LOC128462377: variants seen among roughly 807,000 people sequenced by gnomAD.
chr16:89,326,613 G>A, the LOC128462377 span, among the ~76,000 whole-genome samples: 911 of 152,102 alleles, frequency 6.0e-3, 9 homozygotes, highest in Non-Finnish European at 0.01. Flanking sequence ...GAGGTGGCAC[G>A]CACCTGTAAT....
the LOC128462377 span, among the ~76,000 whole-genome samples, chr16:89,318,061 A>G: frequency 6.6e-6 from 1 of 152,148 alleles, no homozygotes; most frequent in Non-Finnish European, 1.5e-5. Flanking sequence ...AGGAAACCCA[A>G]CAGGCAGTTG....
At chr16:89,321,507 G>A in the LOC128462377 span, among the ~76,000 whole-genome samples, 2 of 151,970 alleles carry the variant, frequency 1.3e-5, no homozygotes, top group Non-Finnish European at 2.9e-5. Flanking sequence ...TGCGGGGCAG[G>A]GGCTGCCCAG....
At chr16:89,347,487 G>A in the LOC128462377 span, among the ~76,000 whole-genome samples, 5 of 151,734 alleles carry the variant, frequency 3.3e-5, no homozygotes, top group South Asian at 2.1e-4. Flanking sequence ...GGCAGGCGCC[G>A]GTAGTCCCAG....
the LOC128462377 span, among the ~76,000 whole-genome samples, chr16:89,317,996 T>C: frequency 6.6e-6 from 1 of 152,140 alleles, no homozygotes; most frequent in African/African-American, 2.4e-5. Flanking sequence ...CTGCAAGAAC[T>C]TTCCGAAGCA....
chr16:89,404,334 T>C, the LOC128462377 span, among the ~76,000 whole-genome samples: 4 of 152,264 alleles, frequency 2.6e-5, no homozygotes, highest in East Asian at 7.7e-4. Context: ...AAAATGGAAG[T>C]GCAGGAAGGA....
the LOC128462377 span, among the ~76,000 whole-genome samples, chr16:89,332,456 G>T: frequency 7.9e-5 from 12 of 152,258 alleles, no homozygotes; most frequent in South Asian, 1.0e-3. Context: ...ACCTGTACCC[G>T]CAGCTCTGGG....
At chr16:89,413,352 G>A in the LOC128462377 span, among the ~76,000 whole-genome samples, 7 of 152,262 alleles carry the variant, frequency 4.6e-5, no homozygotes, top group East Asian at 1.2e-3. Flanking sequence ...TGGACTGGGC[G>A]CAGTGGCTCA....
chr16:89,362,771 C>T, the LOC128462377 span, among the ~76,000 whole-genome samples: 1 of 152,340 alleles, frequency 6.6e-6, no homozygotes, highest in East Asian at 1.9e-4. Flanking sequence ...CATTAGGTCA[C>T]GGCCTGTTCC....
At chr16:89,319,087 A>T in the LOC128462377 span, among the ~76,000 whole-genome samples, 1 of 152,208 alleles carries the variant, frequency 6.6e-6, no homozygotes, top group East Asian at 1.9e-4. Flanking sequence ...TTAACATTTT[A>T]AAAAATCCAG....
At chr16:89,392,969 T>C in the LOC128462377 span, among the ~76,000 whole-genome samples, 1 of 151,840 alleles carries the variant, frequency 6.6e-6, no homozygotes. Flanking sequence ...CCCTTTCTGT[T>C]TCCCCAAAAA....
At chr16:89,403,487 A>G in the LOC128462377 span, 1 of 152,230 alleles carries the variant, frequency 6.6e-6, no homozygotes, top group Non-Finnish European at 1.5e-5. Context: ...GGGCACCCCC[A>G]GGAAGCCCAC....
chr16:89,353,329 G>T, the LOC128462377 span, among the ~76,000 whole-genome samples: 1 of 151,568 alleles, frequency 6.6e-6, no homozygotes, highest in Admixed American at 6.6e-5. Flanking sequence ...GTGACAGAGT[G>T]AGACTCCAAC....
the LOC128462377 span, among the ~76,000 whole-genome samples, chr16:89,369,273 T>C: frequency 2.6e-5 from 4 of 152,058 alleles, no homozygotes; most frequent in South Asian, 2.1e-4. Context: ...GCCCGAGAAA[T>C]GCCCACACGT....
the LOC128462377 span, chr16:89,323,953 T>C: frequency 1.4e-5 from 3 of 221,112 alleles, no homozygotes; most frequent in Non-Finnish European, 2.7e-5. Flanking sequence ...TGAATGTTTG[T>C]GTCGGCCCCT....
At chr16:89,321,567 T>C in the LOC128462377 span, among the ~76,000 whole-genome samples, 1 of 152,246 alleles carries the variant, frequency 6.6e-6, no homozygotes, top group South Asian at 2.1e-4. Flanking sequence ...CCGTGGACCA[T>C]GGAGACTCAC....
the LOC128462377 span, chr16:89,343,739 A>C: frequency 6.6e-6 from 1 of 152,322 alleles, no homozygotes; most frequent in Admixed American, 6.5e-5. Flanking sequence ...CATGTTTTCA[A>C]GGAAGGGTCT....
chr16:89,402,681 G>A, the LOC128462377 span, among the ~76,000 whole-genome samples: 20 of 150,116 alleles, frequency 1.3e-4, no homozygotes, highest in African/African-American at 4.2e-4. Flanking sequence ...GTGGTTCTGC[G>A]GGAGGAGGTG....
the LOC128462377 span, among the ~76,000 whole-genome samples, chr16:89,417,902 G>A: frequency 1.3e-5 from 2 of 152,284 alleles, no homozygotes; most frequent in South Asian, 4.1e-4. Flanking sequence ...CACGCAAACT[G>A]TTAACACAAC....
At chr16:89,329,526 T>A in the LOC128462377 span, among the ~76,000 whole-genome samples, 386 of 152,318 alleles carry the variant, frequency 2.5e-3, no homozygotes, top group African/African-American at 8.7e-3. Context: ...GCTGTAAATT[T>A]AAAATGAGTG....
Sources: allele counts gnomAD v4.1 joint callset (sites outside exome capture counted in the v4.1 genomes callset), GRCh38; gene constraint gnomAD v4.1.1; transcripts MANE v1.5.